KLF12: variants seen among roughly 807,000 people sequenced by gnomAD.
KLF12 encodes the protein Krueppel-like factor 12.
In KLF12, 9 loss-of-function variants were observed where a neutral mutation model predicts 37.8. The ratio of observed to expected loss-of-function variants is 0.24; its 90% CI spans 0.14 to 0.42. The LOEUF (loss-of-function observed/expected upper bound fraction) is 0.42. Among genes scored for constraint, KLF12 ranks in the 10% least tolerant of loss-of-function variants. The pLI, the probability that KLF12 is intolerant of heterozygous loss-of-function variation, is 1.00. For synonymous variants in KLF12, 208 were observed against 202.1 expected, an observed-to-expected ratio of 1.03 and a Z score of -0.25; for missense variants, 411 against 516.0, an observed-to-expected ratio of 0.80 and a Z score of 1.97.
At chr13:73,743,801 G>A (rs550409421) in intron 6 of KLF12, among the ~76,000 whole-genome samples, 1 of 152,278 alleles carries the variant, frequency 6.6e-6, no homozygotes. Flanking sequence ...CTGCTCATCA[G>A]TGAGAAGAAC....
chr13:73,936,431 G>C (rs1889928255), intron 3 of KLF12, among the ~76,000 whole-genome samples: 1 of 152,052 alleles, frequency 6.6e-6, no homozygotes, highest in Non-Finnish European at 1.5e-5. Flanking sequence ...TCAGCTTTAT[G>C]TGAGCTCCAA....
At chr13:73,832,096 CAT>C (rs566410192) in intron 4 of KLF12, among the ~76,000 whole-genome samples, 9 of 152,292 alleles carry the variant, frequency 5.9e-5, no homozygotes, top group African/African-American at 1.9e-4. Flanking sequence ...CTATAAGTAA[CAT>C]AGAGTACATG....
the KLF12 span, among the ~76,000 whole-genome samples, chr13:74,282,275 G>A: frequency 6.6e-6 from 1 of 152,222 alleles, no homozygotes; most frequent in Non-Finnish European, 1.5e-5. Context: ...CAGCTTAGCA[G>A]AAAATTCAGT....
At chr13:74,277,899 T>C in the KLF12 span, among the ~76,000 whole-genome samples, 1 of 152,208 alleles carries the variant, frequency 6.6e-6, no homozygotes, top group Non-Finnish European at 1.5e-5. Context: ...CTTCTTCTAC[T>C]CTGCCAAGCA....
the KLF12 span, among the ~76,000 whole-genome samples, chr13:74,226,428 G>A: frequency 6.6e-6 from 1 of 152,178 alleles, no homozygotes; most frequent in Non-Finnish European, 1.5e-5. Flanking sequence ...AGGGGAAGAT[G>A]TGCTTGATCT....
At chr13:74,296,127 A>AT in the KLF12 span, among the ~76,000 whole-genome samples, 8 of 149,420 alleles carry the variant, frequency 5.4e-5, no homozygotes, top group African/African-American at 1.5e-4. Flanking sequence ...CCTAATCCCC[A>AT]TTTTTGTAGC....
At chr13:73,950,438 C>T (rs1378037266) in intron 2 of KLF12, among the ~76,000 whole-genome samples, 2 of 152,188 alleles carry the variant, frequency 1.3e-5, no homozygotes, top group Admixed American at 1.3e-4. Context: ...CCGAATAACA[C>T]TTTTCACCCC....
At chr13:73,768,537 T>TA (rs1210262400) in intron 5 of KLF12, among the ~76,000 whole-genome samples, 16 of 115,378 alleles carry the variant, frequency 1.4e-4, no homozygotes, top group African/African-American at 5.3e-4. Flanking sequence ...AAGGTATGGC[T>TA]TACTCTCAGG....
At chr13:74,064,086 G>GAA (rs1316814232) in intron 1 of KLF12, among the ~76,000 whole-genome samples, 1 of 151,764 alleles carries the variant, frequency 6.6e-6, no homozygotes, top group Non-Finnish European at 1.5e-5. Flanking sequence ...CCCAAAAGAG[G>GAA]AAAAAAATCA....
intron 1 of KLF12, among the ~76,000 whole-genome samples, chr13:74,084,631 A>G (rs1875147351): frequency 6.6e-6 from 1 of 152,204 alleles, no homozygotes; most frequent in African/African-American, 2.4e-5. Flanking sequence ...CATTACACAT[A>G]TTATTCTTAG....
intron 1 of KLF12, among the ~76,000 whole-genome samples, chr13:73,999,575 T>C (rs1225254080): frequency 4.2e-5 from 2 of 47,406 alleles, no homozygotes; most frequent in Non-Finnish European, 6.3e-5. Context: ...CTACTAAAAA[T>C]ACAAAAAAAA....
intron 4 of KLF12, among the ~76,000 whole-genome samples, chr13:73,837,062 C>G (rs1884472668): frequency 6.6e-6 from 1 of 152,170 alleles, no homozygotes; most frequent in South Asian, 2.1e-4. Flanking sequence ...TCCTGTTTAT[C>G]TTCACTTCCT....
intron 1 of KLF12, among the ~76,000 whole-genome samples, chr13:74,017,774 G>GA (rs1892736199): frequency 6.6e-6 from 1 of 152,056 alleles, no homozygotes; most frequent in Admixed American, 6.6e-5. Flanking sequence ...AGTCTGAGTT[G>GA]AAAGAAATTG....
the KLF12 span, among the ~76,000 whole-genome samples, chr13:74,219,310 G>A: frequency 6.6e-6 from 1 of 152,160 alleles, no homozygotes; most frequent in East Asian, 1.9e-4. Context: ...TGACCCATGA[G>A]ATGCTTTTTA....
At chr13:73,923,398 C>G (rs998364226) in intron 3 of KLF12, among the ~76,000 whole-genome samples, 2 of 152,166 alleles carry the variant, frequency 1.3e-5, no homozygotes, top group Non-Finnish European at 2.9e-5. Context: ...CCTCCCAACT[C>G]TCACGGAGTT....
chr13:74,163,278 A>C, the KLF12 span, among the ~76,000 whole-genome samples: 1 of 152,142 alleles, frequency 6.6e-6, no homozygotes, highest in East Asian at 1.9e-4. Flanking sequence ...AGATATCTGC[A>C]CTCCTATATT....
At chr13:74,078,624 A>T (rs1874704796) in intron 1 of KLF12, among the ~76,000 whole-genome samples, 1 of 152,194 alleles carries the variant, frequency 6.6e-6, no homozygotes, top group African/African-American at 2.4e-5. Context: ...TGAGCTGCTC[A>T]ACTGTAATTA....
intron 3 of KLF12, among the ~76,000 whole-genome samples, chr13:73,874,871 CA>C (rs374751710): frequency 2.6e-5 from 4 of 151,886 alleles, no homozygotes; most frequent in African/African-American, 9.7e-5. Context: ...AGATATTAAC[CA>C]AAGAGAAATT....
the KLF12 span, among the ~76,000 whole-genome samples, chr13:74,156,408 C>A: frequency 1.3e-5 from 2 of 152,164 alleles, no homozygotes; most frequent in Non-Finnish European, 2.9e-5. Context: ...AATGTAGGCT[C>A]TGAGTCAACC....
Sources: allele counts gnomAD v4.1 joint callset (sites outside exome capture counted in the v4.1 genomes callset), GRCh38; gene constraint gnomAD v4.1.1; transcripts MANE v1.5; gene names NCBI Gene and HGNC (gene_info 2026-07-23, HGNC 2026-07-21).